Variants in TNFAIP8 observed in about 807,000 individuals in gnomAD.
TNFAIP8 encodes the protein tumor necrosis factor alpha-induced protein 8.
A neutral mutation model predicts 13.3 loss-of-function variants in TNFAIP8; 7 were observed. The ratio of observed to expected loss-of-function variants is 0.52; its 90% CI spans 0.30 to 0.99. The LOEUF is 0.99. TNFAIP8 is among the 50% of genes least tolerant of loss of function. The pLI is 0.07. For missense variants in TNFAIP8, 258 were observed against 236.9 expected (o/e 1.09, Z -0.58); for synonymous variants, 94 against 87.6 (o/e 1.07, Z -0.41).
intron 1 of TNFAIP8, among the ~76,000 whole-genome samples, chr5:119,361,357 G>A (rs1442448539): frequency 6.6e-6 from 1 of 152,192 alleles, no homozygotes; most frequent in African/African-American, 2.4e-5. Flanking sequence ...CTGCTGAGTT[G>A]GGAATAAATT....
chr5:119,308,854 CAA>C (rs61628819), intron 1 of TNFAIP8, among the ~76,000 whole-genome samples: 4,427 of 57,926 alleles, frequency 0.076, 153 homozygotes, highest in African/African-American at 0.16. Flanking sequence ...GACTCCATCT[CAA>C]AAAAAAAAAA....
At chr5:119,277,924 C>G (rs1748507559) in intron 1 of TNFAIP8, among the ~76,000 whole-genome samples, 1 of 152,046 alleles carries the variant, frequency 6.6e-6, no homozygotes. Context: ...TGTAAAAGCA[C>G]TAATCCACTC....
chr5:119,340,223 C>G (rs530856346), intron 1 of TNFAIP8, among the ~76,000 whole-genome samples: 34 of 152,340 alleles, frequency 2.2e-4, no homozygotes, highest in Non-Finnish European at 4.0e-4. Context: ...TCTTCCCCAC[C>G]ACATGAAATG....
intron 1 of TNFAIP8, chr5:119,333,622 C>G (rs1750454616): frequency 6.5e-7 from 1 of 1,535,110 alleles, no homozygotes; most frequent in African/African-American, 1.4e-5. Context: ...GGAGAAAATG[C>G]TGAAACTAGG....
intron 1 of TNFAIP8, among the ~76,000 whole-genome samples, chr5:119,298,910 G>C (rs1363429708): frequency 6.6e-6 from 1 of 152,090 alleles, no homozygotes. Flanking sequence ...GGCTCCTGAG[G>C]CTTCTGCATT....
intron 1 of TNFAIP8, among the ~76,000 whole-genome samples, chr5:119,340,549 G>T (rs1289755841): frequency 1.3e-5 from 2 of 152,190 alleles, no homozygotes; most frequent in Non-Finnish European, 2.9e-5. Flanking sequence ...TTTCTCATTT[G>T]TGAACAAGTT....
At chr5:119,350,265 A>G (rs956519810) in intron 1 of TNFAIP8, among the ~76,000 whole-genome samples, 3 of 152,218 alleles carry the variant, frequency 2.0e-5, no homozygotes, top group Non-Finnish European at 4.4e-5. Flanking sequence ...TGCCGCTACT[A>G]TGTTGAATTT....
chr5:119,372,322 CAAA>C (rs67551765), intron 1 of TNFAIP8, among the ~76,000 whole-genome samples: 15 of 112,138 alleles, frequency 1.3e-4, no homozygotes, highest in Non-Finnish European at 1.6e-4. Flanking sequence ...GACCCTGTCT[CAAA>C]AAAAAAAAAA....
intron 1 of TNFAIP8, among the ~76,000 whole-genome samples, chr5:119,370,846 C>T (rs1752045136): frequency 6.6e-6 from 1 of 152,208 alleles, no homozygotes; most frequent in African/African-American, 2.4e-5. Flanking sequence ...GCCATTAAAA[C>T]TTTAGAGAGC....
chr5:119,374,628 A>T (rs1316230786), intron 1 of TNFAIP8, among the ~76,000 whole-genome samples: 1 of 152,206 alleles, frequency 6.6e-6, no homozygotes, highest in African/African-American at 2.4e-5. Context: ...TTTGCATCTT[A>T]TACTCAAGGC....
chr5:119,309,882 G>A (rs1022653118), intron 1 of TNFAIP8, among the ~76,000 whole-genome samples: 9 of 152,340 alleles, frequency 5.9e-5, no homozygotes, highest in South Asian at 2.1e-4. Context: ...CTTCCCAAGC[G>A]TGAGGCTTTG....
intron 1 of TNFAIP8, among the ~76,000 whole-genome samples, chr5:119,344,795 ATT>A (rs1299650752): frequency 6.6e-6 from 1 of 152,218 alleles, no homozygotes; most frequent in African/African-American, 2.4e-5. Flanking sequence ...GTCAAAGATA[ATT>A]GTAAGGTTTG....
chr5:119,362,282 A>G (rs1751664576), intron 1 of TNFAIP8, among the ~76,000 whole-genome samples: 1 of 152,208 alleles, frequency 6.6e-6, no homozygotes, highest in African/African-American at 2.4e-5. Context: ...GAATGTCTAC[A>G]GAAGTGTGGA....
intron 1 of TNFAIP8, among the ~76,000 whole-genome samples, chr5:119,284,112 T>TATCA (rs1748709534): frequency 6.6e-6 from 1 of 152,208 alleles, no homozygotes; most frequent in African/African-American, 2.4e-5. Context: ...AAATAAGTTC[T>TATCA]ATCATTATTA....
At chr5:119,337,588 G>T (rs1375045463) in intron 1 of TNFAIP8, among the ~76,000 whole-genome samples, 2 of 151,784 alleles carry the variant, frequency 1.3e-5, no homozygotes, top group African/African-American at 2.4e-5. Flanking sequence ...GAAGTTAGCA[G>T]CCAGAAAAAA....
At chr5:119,315,333 C>G (rs926462905) in intron 1 of TNFAIP8, among the ~76,000 whole-genome samples, 1 of 152,206 alleles carries the variant, frequency 6.6e-6, no homozygotes, top group Non-Finnish European at 1.5e-5. Flanking sequence ...ATCCACCTAT[C>G]TTGGCCTCCC....
At chr5:119,342,012 G>T (rs1750754381) in intron 1 of TNFAIP8, among the ~76,000 whole-genome samples, 1 of 151,800 alleles carries the variant, frequency 6.6e-6, no homozygotes, top group African/African-American at 2.4e-5. Context: ...CTGTATCTCT[G>T]TTTCCTATCT....
At chr5:119,297,953 T>G (rs1055407128) in intron 1 of TNFAIP8, among the ~76,000 whole-genome samples, 7 of 152,346 alleles carry the variant, frequency 4.6e-5, no homozygotes, top group African/African-American at 9.6e-5. Context: ...GTTTTCCATT[T>G]GCTTGGTAGA....
intron 1 of TNFAIP8, among the ~76,000 whole-genome samples, chr5:119,302,624 AT>A (rs1749431323): frequency 6.6e-6 from 1 of 152,204 alleles, no homozygotes; most frequent in Non-Finnish European, 1.5e-5. Context: ...TTCAGTGGAC[AT>A]TTCGTGAGCT....
Sources: allele counts gnomAD v4.1 joint callset (sites outside exome capture counted in the v4.1 genomes callset), GRCh38; gene constraint gnomAD v4.1.1; transcripts MANE v1.5; gene names NCBI Gene and HGNC (gene_info 2026-07-23, HGNC 2026-07-21).